The following DOK7 variants were observed in gnomAD, a reference collection of about 807,000 sequenced individuals.
DOK7 encodes the protein docking protein 7, also known as protein Dok-7.
A neutral mutation model predicts 30.7 loss-of-function variants in DOK7; 32 were observed. The ratio of observed to expected loss-of-function variants is 1.04; its 90% CI spans 0.79 to 1.40. The LOEUF (loss-of-function observed/expected upper bound fraction) is 1.40. Among genes scored for constraint, DOK7 ranks in the 40% most tolerant of loss-of-function variants. DOK7 has a pLI of 0.00. For missense variants in DOK7, 1,007 were observed against 699.2 expected (o/e 1.44, Z -4.97); for synonymous variants, 447 against 324.1 (o/e 1.38, Z -4.07).
chr4:3,487,876 C>A (rs1727916445), intron 5 of DOK7, among the ~76,000 whole-genome samples: 1 of 152,226 alleles, frequency 6.6e-6, no homozygotes, highest in African/African-American at 2.4e-5. Context: ...TTGTGCTGTC[C>A]TGTCACTGTG....
chr4:3,494,645 G>C (rs1728799013), downstream of DOK7, among the ~76,000 whole-genome samples: 4 of 152,210 alleles, frequency 2.6e-5, no homozygotes, highest in African/African-American at 7.2e-5. Flanking sequence ...CCTGAATGCT[G>C]TGGTGTGCGG....
chr4:3,498,464 A>C (rs1201226266), downstream of DOK7, among the ~76,000 whole-genome samples: 1 of 152,210 alleles, frequency 6.6e-6, no homozygotes, highest in East Asian at 1.9e-4. Context: ...AACTTGGAAG[A>C]ACGGATGCAA....
At position 3,493,195 on chromosome 4, in the gene DOK7, C is replaced by CCACTATGACACA. The variant is rs1728641372; in HGVS notation, c.1211_1222dup (p.His404_Thr407dup). ...ACCAGGTGCCCACCTCCCTGCGGGC[C>CCACTATGACACA]CACTATGACACACCACGCAGCCTTT... On this transcript the variant is annotated inframe_insertion, in exon 7 of 7. Transcript: ENST00000340083. 1 of 1,611,414 alleles carries CCACTATGACACA rather than the reference C, an allele frequency of 6.2e-7. No individual in the cohort carries two copies. The highest frequency in any genetic ancestry group is 2.2e-5 in the East Asian group (1 of 44,810).
intron 5 of DOK7, among the ~76,000 whole-genome samples, chr4:3,486,621 C>T (rs1727811169): frequency 6.6e-6 from 1 of 152,224 alleles, no homozygotes; most frequent in South Asian, 2.1e-4. Flanking sequence ...CACCTATGGC[C>T]AGCGCCCTCC....
At chr4:3,500,125 C>T (rs549673421) in intron 6 of DOK7, 8 of 1,202,376 alleles carry the variant, frequency 6.7e-6, no homozygotes, top group Non-Finnish European at 9.1e-6. Context: ...CGGGAACTTC[C>T]AAGGTGCAGG....
At chr4:3,468,352 G>A (rs1218593436) in intron 2 of DOK7, among the ~76,000 whole-genome samples, 1 of 151,930 alleles carries the variant, frequency 6.6e-6, no homozygotes, top group African/African-American at 2.4e-5. Flanking sequence ...TCAAATGCTT[G>A]TCTGTGTGCG....
intron 2 of DOK7, among the ~76,000 whole-genome samples, chr4:3,467,506 G>C (rs1489374448): frequency 2.3e-5 from 3 of 130,054 alleles, no homozygotes; most frequent in African/African-American, 8.6e-5. Context: ...GCTCATCCTG[G>C]ATTCCTCGTT....
intron 3 of DOK7, among the ~76,000 whole-genome samples, chr4:3,475,577 G>A (rs1577151197): frequency 6.6e-6 from 1 of 152,196 alleles, no homozygotes; most frequent in South Asian, 2.1e-4. Flanking sequence ...CCAGTGCACA[G>A]GACCATGGGG....
rs1276546661 is a variant in DOK7, at chr4:3,493,344, G to T, written c.1358G>T (p.Gly453Val). The change falls in exon 7 of 7, where the codon GGC (glycine) becomes GTC (valine). Residue 453 changes from glycine (G) to valine (V), a missense_variant. Gly to Val is a moderately radical substitution (Grantham distance 109). Coordinates refer to ENST00000340083, the MANE Select transcript of DOK7 (RefSeq NM_173660.5). ...PSGWLGTRRR[G>V]LVMEAPQGSE... ...GGCTGGCTGGGCACGAGACGGCGGG[G>T]CCTGGTGATGGAGGCCCCCCAGGGC... is the stretch of plus-strand genomic sequence containing the variant. 6.3e-7 allele frequency: 1 copy of T among 1,599,342 alleles called. No individual in the cohort carries two copies.
chr4:3,492,983 C>T lies in DOK7; in HGVS notation c.997C>T (p.Gln333Ter). 1 of 1,556,128 alleles carries T rather than the reference C, an allele frequency of 6.4e-7. No individual in the cohort carries two copies. The highest frequency in any genetic ancestry group is 8.7e-7 in the Non-Finnish European group (1 of 1,154,536). Reference protein sequence around the residue: ...RPRQLQEVGRQSSSDSGIATG... With the variant: ...RPRQLQEVGR ...GCGGCAGCTGCAGGAGGTTGGCCGCCAGAGCTCCTCGGACAGCGGCATCGC... is the reference window on the plus strand; with the variant it reads ...GCGGCAGCTGCAGGAGGTTGGCCGCTAGAGCTCCTCGGACAGCGGCATCGC... The change falls in exon 7 of 7, where the codon CAG (glutamine) becomes TAG (stop). Residue 333 changes from glutamine (Q) to a stop codon, truncating the protein, a stop_gained. Coordinates refer to ENST00000340083, the MANE Select transcript of DOK7 (RefSeq NM_173660.5). LOFTEE classifies it low-confidence loss of function (END_TRUNC).
At chr4:3,489,556 C>G in intron 5 of DOK7, 121 bp from the exon 6 acceptor site, 1 of 1,486,200 alleles carries the variant, frequency 6.7e-7, no homozygotes, top group South Asian at 1.2e-5. Flanking sequence ...GGAGCGGGGA[C>G]TCCCAGGGGA....
chr4:3,473,733 G>A, intron 3 of DOK7, 97 bp downstream of exon 3: 1 of 1,183,904 alleles, frequency 8.4e-7, no homozygotes, highest in Non-Finnish European at 1.2e-6. Context: ...CGGCTCCAGG[G>A]AACCGTGCAG....
At chr4:3,488,438 G>A (rs1358973017) in intron 5 of DOK7, among the ~76,000 whole-genome samples, 1 of 152,246 alleles carries the variant, frequency 6.6e-6, no homozygotes, top group African/African-American at 2.4e-5. Context: ...CAGCCTAGAT[G>A]TGAACCTGGA....
downstream of DOK7, chr4:3,496,750 C>A: frequency 2.0e-6 from 3 of 1,507,058 alleles, no homozygotes; most frequent in Non-Finnish European, 2.7e-6. Flanking sequence ...TCCTTGTTCT[C>A]GGTGGCCCCC....
At chr4:3,480,461 A>AGGCAGGTGTGGT (rs1171959202) in intron 4 of DOK7, among the ~76,000 whole-genome samples, 14 of 152,154 alleles carry the variant, frequency 9.2e-5, no homozygotes, top group African/African-American at 3.4e-4. Flanking sequence ...TACAAAAATT[A>AGGCAGGTGTGGT]GGCAGGTGTG....
At chr4:3,496,238 A>G (rs913650182), downstream of DOK7, among the ~76,000 whole-genome samples, 39 of 152,196 alleles carry the variant, frequency 2.6e-4, no homozygotes, top group African/African-American at 6.8e-4. Context: ...GGCACGGCCC[A>G]CTTCAGAGGC....
chr4:3,484,015 A>G (rs1213135829), intron 4 of DOK7, among the ~76,000 whole-genome samples: 1 of 152,070 alleles, frequency 6.6e-6, no homozygotes, highest in African/African-American at 2.4e-5. Flanking sequence ...TCTGATCAGG[A>G]GCACCCCTCA....
intron 4 of DOK7, among the ~76,000 whole-genome samples, chr4:3,477,589 C>T (rs1013433773): frequency 1.3e-5 from 2 of 152,244 alleles, no homozygotes; most frequent in Non-Finnish European, 2.9e-5. Flanking sequence ...CCTGTTGGGG[C>T]CTTTGAGGAG....
At chr4:3,489,876 G>T (rs1360148349) in intron 6 of DOK7, 80 bp downstream of exon 6, 7 of 1,524,932 alleles carry the variant, frequency 4.6e-6, no homozygotes, top group Non-Finnish European at 5.3e-6. Context: ...CCATGCATGT[G>T]TGGGGGCTGC....
Sources: allele counts gnomAD v4.1 joint callset (sites outside exome capture counted in the v4.1 genomes callset), GRCh38; gene constraint gnomAD v4.1.1; transcripts MANE v1.5; gene names NCBI Gene and HGNC (gene_info 2026-07-23, HGNC 2026-07-21).